The following BOD1L1 variants were observed in gnomAD, a reference collection of about 807,000 sequenced individuals.
BOD1L1 encodes the protein biorientation of chromosomes in cell division 1 like 1.
A neutral mutation model predicts 240.7 loss-of-function variants in BOD1L1; 86 were observed. The observed-to-expected ratio is 0.36, with a 90% CI of 0.30 to 0.43. The LOEUF (loss-of-function observed/expected upper bound fraction) is 0.43, where lower values mean the gene tolerates loss of function less well. Among genes scored for constraint, BOD1L1 ranks in the 20% least tolerant of loss-of-function variants. BOD1L1 has a pLI of 1.00. For missense variants in BOD1L1, 3,554 were observed against 3,643.5 expected (o/e 0.98, Z 0.63); for synonymous variants, 1,268 against 1,272.3 (o/e 1.00, Z 0.07).
At position 13,613,755 on chromosome 4, in the gene BOD1L1, C is replaced by T; in HGVS notation, c.1175-94G>A. On this transcript the variant is annotated intron_variant, in intron 4 of 25. Transcript: ENST00000040738. This position sits in a 1 kb window ranked among gnomAD's most constrained non-coding sequence, Gnocchi z 4.0. Reference sequence around the variant, plus strand: ...ACTAAATTACACTTAAAATTTTCTGCTTTAAATACGTGTCAAACTATCAAA... The same window carrying T: ...ACTAAATTACACTTAAAATTTTCTGTTTTAAATACGTGTCAAACTATCAAA... 2 of 1,031,142 alleles carry T rather than the reference C, an allele frequency of 1.9e-6. No homozygotes were observed. Among genetic ancestry groups the T allele is most frequent in the Non-Finnish European group, 1.3e-6 (1 of 765,074 alleles). 63.9% of individuals were successfully genotyped at this position (1,031,142 alleles called of 1,614,324 possible).
intron 1 of BOD1L1, among the ~76,000 whole-genome samples, chr4:13,620,705 G>C (rs1169704946): frequency 2.0e-5 from 3 of 152,196 alleles, no homozygotes; most frequent in African/African-American, 4.8e-5. Flanking sequence ...CTTTCTGATG[G>C]TTAATCATCC....
At position 13,615,409 on chromosome 4, in the gene BOD1L1, A is replaced by G. The variant is rs370935594; in HGVS notation, c.462T>C (p.Ala154=). Residue 154 remains alanine, a synonymous_variant, in exon 3 of 26, where the codon GCT becomes GCC. Coordinates refer to ENST00000040738, the MANE Select transcript of BOD1L1 (RefSeq NM_148894.3). ...TTAGCGTGGCCAAAAACTCATGCAC[A>G]GCTTTCTCTACCTGAGGTCTGAATG... The part of the protein sequence containing the change: ...NHTFRPQVEK[A]VHEFLATLNH... 1 of 1,613,896 alleles carries G rather than the reference A, an allele frequency of 6.2e-7. No homozygotes were observed.
chr4:13,595,639 T>C (rs1296030019), intron 12 of BOD1L1, among the ~76,000 whole-genome samples: 1 of 152,198 alleles, frequency 6.6e-6, no homozygotes. Context: ...GGTAATCAGA[T>C]TTAAACAATT....
intron 16 of BOD1L1, among the ~76,000 whole-genome samples, chr4:13,587,440 CA>C (rs2108906874): frequency 6.6e-6 from 1 of 152,194 alleles, no homozygotes; most frequent in Admixed American, 6.5e-5. Flanking sequence ...GGCTGGGCTC[CA>C]GGGTGTGGTT....
At chr4:13,614,054 CT>C (rs1716381458) in intron 4 of BOD1L1, 141 bp downstream of exon 4, 9 of 701,440 alleles carry the variant, frequency 1.3e-5, no homozygotes, top group Admixed American at 7.4e-5. Flanking sequence ...ATATTTATTG[CT>C]TTTTTTCTTA....
intron 2 of BOD1L1, among the ~76,000 whole-genome samples, chr4:13,618,867 TAA>T (rs11367235): frequency 2.0e-5 from 3 of 146,666 alleles, no homozygotes; most frequent in African/African-American, 5.1e-5. Context: ...GTTTAACTGT[TAA>T]AAAAAAAAAA....
chr4:13,582,184 T>C, intron 19 of BOD1L1, 53 bp downstream of exon 19: 1 of 1,420,476 alleles, frequency 7.0e-7, no homozygotes, highest in East Asian at 2.3e-5. Flanking sequence ...TGAATTTAAT[T>C]TGGTTAGTGC....
chr4:13,577,176 A>G (rs1426171721), intron 24 of BOD1L1, among the ~76,000 whole-genome samples, 185 bp from the exon 25 acceptor site: 1 of 152,184 alleles, frequency 6.6e-6, no homozygotes, highest in Non-Finnish European at 1.5e-5. Context: ...CACATTTTGG[A>G]TAGTTTACAT....
chr4:13,614,858 T>A, intron 3 of BOD1L1, 48 bp from the exon 4 acceptor site: 2 of 1,499,860 alleles, frequency 1.3e-6, no homozygotes, highest in Non-Finnish European at 1.8e-6. Flanking sequence ...AGAAGGAAAA[T>A]ACCTCTGCTA....
intron 12 of BOD1L1, among the ~76,000 whole-genome samples, chr4:13,594,876 C>G (rs1714501143): frequency 6.6e-6 from 1 of 152,172 alleles, no homozygotes; most frequent in South Asian, 2.1e-4. Context: ...ACCTGGCAAA[C>G]AGAGTGAGAC....
intron 1 of BOD1L1, among the ~76,000 whole-genome samples, chr4:13,621,486 G>A (rs909161457): frequency 7.9e-5 from 12 of 152,166 alleles, no homozygotes; most frequent in Non-Finnish European, 1.8e-4. Context: ...TCTTGACACC[G>A]AAGGTAGGCT....
rs150629110 is a variant in BOD1L1 at position 13,583,810 on chromosome 4, G to C, written c.8434-1074C>G. Among the ~76,000 whole-genome samples, 395 of 152,220 alleles carry C rather than the reference G, an allele frequency of 2.6e-3. 2 individuals are homozygous for C. The highest frequency in any genetic ancestry group is 9.0e-3 in the African/African-American group (373 of 41,538). On this transcript the variant is annotated intron_variant, in intron 17 of 25. Transcript: ENST00000040738. ...AAACCTCAAACCAGTGTCGGTATTGGGAGGGTCAATTCAATTAAAACAAGG... is the reference window on the plus strand; with the variant it reads ...AAACCTCAAACCAGTGTCGGTATTGCGAGGGTCAATTCAATTAAAACAAGG...
At chr4:13,586,735 G>A (rs1258999977) in intron 16 of BOD1L1, among the ~76,000 whole-genome samples, 1 of 152,182 alleles carries the variant, frequency 6.6e-6, no homozygotes, top group African/African-American at 2.4e-5. Flanking sequence ...TCTATGGGAA[G>A]GGCTTAGCGT....
intron 8 of BOD1L1, 60 bp from the exon 9 acceptor site, chr4:13,607,249 T>C (rs938645563): frequency 3.4e-5 from 32 of 928,154 alleles, no homozygotes; most frequent in Non-Finnish European, 4.8e-5. Flanking sequence ...TTCAGGAAGG[T>C]TGAAAACAAT....
chr4:13,574,032 T>C (rs1428169589), intron 25 of BOD1L1, among the ~76,000 whole-genome samples: 1 of 152,104 alleles, frequency 6.6e-6, no homozygotes, highest in Non-Finnish European at 1.5e-5. Context: ...ACAGGGATGA[T>C]GAAGGGGCTC....
At chr4:13,581,349 T>C in intron 19 of BOD1L1, 142 bp from the exon 20 acceptor site, 1 of 611,240 alleles carries the variant, frequency 1.6e-6, no homozygotes, top group South Asian at 2.3e-5. Context: ...AAATATGTGA[T>C]GTAGGGCTTA....
rs1383525032 is a variant in BOD1L1 at position 13,602,208 on chromosome 4, T to G, written c.4692A>C (p.Ile1564=). The G allele has an allele frequency of 3.1e-6, 5 of 1,613,594 alleles. No homozygotes were observed. In the African/African-American group the frequency reaches 6.7e-5, roughly 22 times the overall value. Reference sequence around the variant, plus strand: ...GATTATTTCTGGAATGTGTTCCTATTATGAGGCCTTCATCTGCCTCAATGC... The same window carrying G: ...GATTATTTCTGGAATGTGTTCCTATGATGAGGCCTTCATCTGCCTCAATGC... ...CTSIEADEGL[I]IGTHSRNNPL... The change falls in exon 10 of 26, where the codon ATA becomes ATC. Residue 1564 remains isoleucine, a synonymous_variant. Transcript: ENST00000040738.
In BOD1L1 at chr4:13,611,030, A is replaced by G. The variant is rs1716121263; in HGVS notation, c.1395T>C (p.Ser465=). The G allele has an allele frequency of 6.2e-7, 1 of 1,612,088 alleles. No individual in the cohort carries two copies. The change falls in exon 6 of 26, where the codon AGT becomes AGC. Residue 465 remains serine, a synonymous_variant. Transcript: ENST00000040738. The part of the protein sequence containing the change: ...TSDSSEGKTK[S]VRHAYVHKPY... ...GTTTGTGGACATACGCATGCCGTAC[A>G]CTTTTTGTTTTTCCTTCACTAGAAT...
At chr4:13,570,545 T>A (rs532953520) in intron 25 of BOD1L1, among the ~76,000 whole-genome samples, 2 of 152,194 alleles carry the variant, frequency 1.3e-5, no homozygotes, top group African/African-American at 4.8e-5. Flanking sequence ...TTGGACCAAG[T>A]GCAAAATCAT....
Sources: allele counts gnomAD v4.1 joint callset (sites outside exome capture counted in the v4.1 genomes callset), GRCh38; gene constraint gnomAD v4.1.1; non-coding constraint Gnocchi (gnomAD v3.1); transcripts MANE v1.5; gene names NCBI Gene and HGNC (gene_info 2026-07-23, HGNC 2026-07-21).